Variants in FNIP2 observed in about 807,000 individuals in gnomAD.
FNIP2 encodes the protein folliculin interacting protein 2.
A neutral mutation model predicts 108.7 loss-of-function variants in FNIP2; 32 were observed. The ratio of observed to expected loss-of-function variants is 0.29; its 90% CI spans 0.22 to 0.40. The LOEUF is 0.40. Ranked by LOEUF, FNIP2 falls within the 10% of genes least tolerant of loss-of-function variation. The pLI is 1.00. For synonymous variants in FNIP2, 480 were observed against 496.7 expected, an observed-to-expected ratio of 0.97 and a Z score of 0.45; for missense variants, 1,202 against 1,381.6, an observed-to-expected ratio of 0.87 and a Z score of 2.06.
chr4:158,831,714 T>C, intron 3 of FNIP2, 147 bp from the exon 4 acceptor site: 1 of 625,262 alleles, frequency 1.6e-6, no homozygotes, highest in East Asian at 2.8e-5. Flanking sequence ...ATCGCCATTA[T>C]AAGTTAAGAT....
In FNIP2 at chr4:158,882,274, A is replaced by G. The variant is rs866101631; in HGVS notation, c.2950-9172A>G. ...TGAGGAGCCCCTCCGCCTGGCAGCC[A>G]CCCCGTCTGGGAAGTGAGGAGCGTC... On this transcript the variant is annotated intron_variant, in intron 14 of 16. Transcript: ENST00000264433. Among the ~76,000 whole-genome samples, 332 of 143,912 alleles carry G rather than the reference A, an allele frequency of 2.3e-3. 2 individuals carry two copies. Among genetic ancestry groups the G allele is most frequent in the African/African-American group, 8.3e-3 (316 of 38,068 alleles). The allele number at this position is 143,912 out of a possible 152,430, so 94.4% of individuals were successfully genotyped here. A position where few individuals can be genotyped will look rare whatever the true frequency, so the allele number is the denominator to read the frequency against.
chr4:158,786,609 C>T (rs564885663), intron 1 of FNIP2, among the ~76,000 whole-genome samples: 1 of 152,248 alleles, frequency 6.6e-6, no homozygotes, highest in East Asian at 1.9e-4. Flanking sequence ...ATAATTATTT[C>T]AACTATAAAT....
intron 12 of FNIP2, among the ~76,000 whole-genome samples, chr4:158,862,264 A>G (rs1202359647): frequency 6.6e-6 from 1 of 152,198 alleles, no homozygotes; most frequent in Non-Finnish European, 1.5e-5. Flanking sequence ...GCAGCATGCT[A>G]TAATAACAAT....
At position 158,868,357 on chromosome 4, in the gene FNIP2, A is replaced by G. The variant is rs1427914255; in HGVS notation, c.1721A>G (p.Asn574Ser). ...GAGTATGTGGTCATTACGGTGAGGAACGAGCCCGCTCTTGTACCCCCCATC... is the reference window on the plus strand; with the variant it reads ...GAGTATGTGGTCATTACGGTGAGGAGCGAGCCCGCTCTTGTACCCCCCATC... ...ESEYVVITVR[N>S]EPALVPPILP... Residue 574 changes from asparagine to serine, a missense_variant, in exon 13 of 17, where the codon AAC becomes AGC. Physicochemically the swap from Asn to Ser is conservative, Grantham distance 46. Transcript: ENST00000264433. The surrounding 1 kb of genome is among the most constrained non-coding windows in gnomAD (Gnocchi z 4.6). The G allele has an allele frequency of 6.2e-7, 1 of 1,613,990 alleles. No homozygotes were observed. The highest frequency in any genetic ancestry group is 8.5e-7 in the Non-Finnish European group (1 of 1,179,886).
intron 8 of FNIP2, among the ~76,000 whole-genome samples, chr4:158,853,466 T>G (rs1222995734): frequency 2.0e-5 from 3 of 152,214 alleles, no homozygotes; most frequent in Non-Finnish European, 4.4e-5. Context: ...CATGTTGGTG[T>G]GCTGCACCCA....
chr4:158,848,997 G>T (rs914664245), intron 7 of FNIP2, among the ~76,000 whole-genome samples: 2 of 152,036 alleles, frequency 1.3e-5, no homozygotes, highest in Non-Finnish European at 2.9e-5. Flanking sequence ...CAGACCAAAG[G>T]GGAAAACCCA....
intron 10 of FNIP2, among the ~76,000 whole-genome samples, 175 bp from the exon 11 acceptor site, chr4:158,861,167 G>A (rs1780269239): frequency 6.6e-6 from 1 of 152,246 alleles, no homozygotes; most frequent in African/African-American, 2.4e-5. Context: ...ACAAAAAAAG[G>A]TGGCAGTCAG....
At chr4:158,878,818 TA>T (rs542056192) in intron 14 of FNIP2, among the ~76,000 whole-genome samples, 24 of 151,508 alleles carry the variant, frequency 1.6e-4, no homozygotes, top group African/African-American at 5.8e-4. Context: ...ATTGGAACCT[TA>T]AAAAAAAGAG....
intron 1 of FNIP2, among the ~76,000 whole-genome samples, chr4:158,812,374 C>G (rs966412199): frequency 6.6e-6 from 1 of 152,022 alleles, no homozygotes; most frequent in Non-Finnish European, 1.5e-5. Flanking sequence ...AGGAGACGGC[C>G]TGTAATTCTG....
chr4:158,861,575 A>G, intron 11 of FNIP2, 32 bp from the exon 12 acceptor site: 4 of 1,613,846 alleles, frequency 2.5e-6, no homozygotes, highest in Non-Finnish European at 3.4e-6. Flanking sequence ...TGTATTGACT[A>G]AGTTGGTTGT....
intron 14 of FNIP2, among the ~76,000 whole-genome samples, chr4:158,875,557 A>G (rs1284018456): frequency 1.1e-4 from 12 of 105,932 alleles, no homozygotes; most frequent in Non-Finnish European, 5.5e-5. Flanking sequence ...TGAATACCTA[A>G]TTAGTCCATG....
intron 1 of FNIP2, among the ~76,000 whole-genome samples, chr4:158,774,033 G>T (rs947728762): frequency 6.6e-6 from 1 of 152,110 alleles, no homozygotes; most frequent in South Asian, 2.1e-4. Context: ...AAAGAAAAAT[G>T]TTCTCAATAG....
At chr4:158,822,900 T>A (rs1777962646) in intron 1 of FNIP2, among the ~76,000 whole-genome samples, 1 of 152,202 alleles carries the variant, frequency 6.6e-6, no homozygotes, top group Non-Finnish European at 1.5e-5. Flanking sequence ...ATTTTTAAAT[T>A]AAAAAAATTA....
chr4:158,881,609 C>G (rs984232613), intron 14 of FNIP2, among the ~76,000 whole-genome samples: 2 of 152,254 alleles, frequency 1.3e-5, no homozygotes, highest in African/African-American at 2.4e-5. Context: ...TGCCGCCACG[C>G]CTGACTGGTT....
At chr4:158,857,870 C>T (rs796951324) in intron 8 of FNIP2, among the ~76,000 whole-genome samples, 2 of 152,020 alleles carry the variant, frequency 1.3e-5, no homozygotes, top group African/African-American at 4.8e-5. Context: ...ATCGCTTGAG[C>T]CTGGGAAATT....
intron 15 of FNIP2, among the ~76,000 whole-genome samples, chr4:158,894,999 A>G (rs1782550232): frequency 6.6e-6 from 1 of 152,206 alleles, no homozygotes; most frequent in Non-Finnish European, 1.5e-5. Flanking sequence ...TACCCTTGCC[A>G]AAGCCATCAG....
In FNIP2 at chr4:158,891,620, T is replaced by C. The variant is rs1198931916; in HGVS notation, c.3124T>C (p.Tyr1042His). 12 of 1,612,458 alleles carry C rather than the reference T, an allele frequency of 7.4e-6. No individual in the cohort carries two copies. The highest frequency in any genetic ancestry group is 1.0e-5 in the Non-Finnish European group (12 of 1,179,292). ...TTTGCTTCAGTCCATTTTACAGCTC[T>C]ATAAGCTTCACCTCCCTGCTGATTT... ...SSLLQSILQL[Y>H]KLHLPADFCI... The change falls in exon 15 of 17, where the codon TAT (tyrosine) becomes CAT (histidine). Residue 1042 changes from tyrosine to histidine, a missense_variant. Transcript: ENST00000264433.
intron 1 of FNIP2, among the ~76,000 whole-genome samples, chr4:158,771,359 T>C (rs1012783682): frequency 6.6e-6 from 1 of 152,228 alleles, no homozygotes; most frequent in African/African-American, 2.4e-5. Flanking sequence ...TTCCTTTTGC[T>C]CTTTTCACCT....
intron 7 of FNIP2, among the ~76,000 whole-genome samples, chr4:158,843,137 G>A (rs1043225325): frequency 6.6e-6 from 1 of 152,138 alleles, no homozygotes; most frequent in African/African-American, 2.4e-5. Context: ...TGTTGTGGAT[G>A]TAATACCCCC....
Sources: gnomAD v4.1 joint callset for allele counts (sites outside exome capture counted in the v4.1 genomes callset) on GRCh38, gnomAD v4.1.1 for gene constraint, Gnocchi (gnomAD v3.1) non-coding constraint, MANE v1.5 for transcripts, NCBI Gene and HGNC (gene_info 2026-07-23, HGNC 2026-07-21) for gene names.